TMEM132D: variants seen among roughly 807,000 people sequenced by gnomAD.
The protein encoded by TMEM132D is transmembrane protein 132D, also known as mature OL transmembrane protein.
In TMEM132D, 21 loss-of-function variants were observed where a neutral mutation model predicts 62.3. The observed-to-expected ratio is 0.34, with a 90% CI of 0.24 to 0.49. The LOEUF is 0.49. Among genes scored for constraint, TMEM132D ranks in the 20% least tolerant of loss-of-function variants. The probability of loss-of-function intolerance (pLI) is 0.99; values close to 1 mark genes in which losing one functional copy is unlikely to be tolerated. For synonymous variants in TMEM132D, 621 were observed against 575.6 expected (o/e 1.08, Z -1.13); for missense variants, 1,346 against 1,402.8 (o/e 0.96, Z 0.65).
intron 5 of TMEM132D, among the ~76,000 whole-genome samples, chr12:129,106,485 A>T (rs1427502096): frequency 6.6e-6 from 1 of 152,220 alleles, no homozygotes; most frequent in African/African-American, 2.4e-5. Context: ...AAAAATAAAA[A>T]AATAGAATAT....
At chr12:129,596,567 A>C (rs959005397) in intron 2 of TMEM132D, among the ~76,000 whole-genome samples, 3 of 152,188 alleles carry the variant, frequency 2.0e-5, no homozygotes, top group Non-Finnish European at 4.4e-5. Context: ...GTCATATTGC[A>C]TATAATGGCA....
intron 3 of TMEM132D, among the ~76,000 whole-genome samples, chr12:129,402,334 C>G (rs1478870883): frequency 1.3e-5 from 2 of 152,166 alleles, no homozygotes; most frequent in Admixed American, 1.3e-4. Flanking sequence ...CTGTACAGCT[C>G]TCACTCGACG....
chr12:129,667,970 T>C (rs1279252764), intron 2 of TMEM132D, among the ~76,000 whole-genome samples: 1 of 151,276 alleles, frequency 6.6e-6, no homozygotes, highest in Non-Finnish European at 1.5e-5. Context: ...CCTAAAATGT[T>C]GTTATCCACA....
chr12:129,356,114 A>G (rs960178197), intron 3 of TMEM132D, among the ~76,000 whole-genome samples: 5 of 150,268 alleles, frequency 3.3e-5, no homozygotes, highest in African/African-American at 1.2e-4. Context: ...ACAAATCCCA[A>G]TCTCACAGTC....
At chr12:129,477,997 T>G (rs1192129179) in intron 3 of TMEM132D, among the ~76,000 whole-genome samples, 2 of 152,138 alleles carry the variant, frequency 1.3e-5, no homozygotes, top group African/African-American at 4.8e-5. Flanking sequence ...AAGATAGTCA[T>G]GTCTACCACA....
At chr12:129,694,390 G>A (rs1356643292) in intron 2 of TMEM132D, among the ~76,000 whole-genome samples, 1 of 152,162 alleles carries the variant, frequency 6.6e-6, no homozygotes, top group East Asian at 1.9e-4. Context: ...CAAAACCAAA[G>A]AAAGTCTAAG....
intron 4 of TMEM132D, among the ~76,000 whole-genome samples, chr12:129,295,276 C>T (rs145739272): frequency 1.8e-4 from 28 of 151,946 alleles, no homozygotes; most frequent in Admixed American, 6.6e-5. Context: ...GGAACACTGC[C>T]GGCTACACAC....
intron 3 of TMEM132D, among the ~76,000 whole-genome samples, chr12:129,406,355 T>TTACGC (rs1357922364): frequency 6.6e-6 from 1 of 152,204 alleles, no homozygotes; most frequent in Non-Finnish European, 1.5e-5. Flanking sequence ...GCGTGGTGGC[T>TTACGC]TACGCCTGTA....
At chr12:129,251,564 C>A (rs1330498509) in intron 4 of TMEM132D, among the ~76,000 whole-genome samples, 1 of 152,066 alleles carries the variant, frequency 6.6e-6, no homozygotes, top group African/African-American at 2.4e-5. Context: ...AAAGCTCGTT[C>A]AAATTTGTTT....
chr12:129,623,706 T>TAC (rs1466890756), intron 2 of TMEM132D, among the ~76,000 whole-genome samples: 1 of 144,064 alleles, frequency 6.9e-6, no homozygotes, highest in African/African-American at 2.7e-5. Context: ...TATATATACA[T>TAC]ACATATGCAT....
chr12:129,185,814 CT>C (rs1593289110), intron 5 of TMEM132D, among the ~76,000 whole-genome samples: 4 of 145,804 alleles, frequency 2.7e-5, no homozygotes, highest in African/African-American at 7.7e-5. Context: ...TATCTATCAT[CT>C]ATCTATCTGT....
rs565820683 is a variant in TMEM132D, at chr12:129,484,833, A to G, written c.1115+46226T>C. Among the ~76,000 whole-genome samples, 54 of 152,394 alleles carry G rather than the reference A, an allele frequency of 3.5e-4. No individual in the cohort carries two copies. The South Asian group carries it at 8.3e-3, about 23-fold the overall frequency. ...GTATCAGAAAGAACAAAAGATAAGAATTCAAAACATTAAGAATTCAAAATT... is the reference window on the plus strand; with the variant it reads ...GTATCAGAAAGAACAAAAGATAAGAGTTCAAAACATTAAGAATTCAAAATT... On this transcript the variant is annotated intron_variant, in intron 3 of 8. Transcript: ENST00000422113.
At chr12:129,632,382 CATATT>C (rs1239897076) in intron 2 of TMEM132D, among the ~76,000 whole-genome samples, 6 of 152,266 alleles carry the variant, frequency 3.9e-5, no homozygotes, top group African/African-American at 1.4e-4. Flanking sequence ...ACAAGGAAGA[CATATT>C]ATACTCAGTT....
At chr12:129,153,936 G>A (rs1030825121) in intron 5 of TMEM132D, among the ~76,000 whole-genome samples, 1 of 152,196 alleles carries the variant, frequency 6.6e-6, no homozygotes, top group African/African-American at 2.4e-5. Flanking sequence ...GGAAGGAGAT[G>A]ACACAGCGTG....
intron 3 of TMEM132D, among the ~76,000 whole-genome samples, chr12:129,477,865 CAGAGAG>C (rs368466852): frequency 6.7e-6 from 1 of 149,608 alleles, no homozygotes; most frequent in African/African-American, 2.4e-5. Context: ...CACACATATA[CAGAGAG>C]AGAGAGAGAG....
intron 1 of TMEM132D, among the ~76,000 whole-genome samples, chr12:129,848,258 G>A (rs2137350274): frequency 6.6e-6 from 1 of 152,268 alleles, no homozygotes; most frequent in South Asian, 2.1e-4. Flanking sequence ...TTTCCTAATG[G>A]TTCCTTTAGA....
chr12:129,726,579 T>C (rs1475683229), intron 1 of TMEM132D, among the ~76,000 whole-genome samples: 1 of 152,190 alleles, frequency 6.6e-6, no homozygotes, highest in Non-Finnish European at 1.5e-5. Context: ...GGCTTTAATC[T>C]ACATGTGATT....
intron 5 of TMEM132D, among the ~76,000 whole-genome samples, chr12:129,100,420 G>T (rs544700490): frequency 6.6e-6 from 1 of 152,166 alleles, no homozygotes; most frequent in African/African-American, 2.4e-5. Context: ...AGAGGCTGAC[G>T]GGTTGGCTCC....
At chr12:129,519,900 C>T (rs938700690) in intron 3 of TMEM132D, among the ~76,000 whole-genome samples, 2 of 152,134 alleles carry the variant, frequency 1.3e-5, no homozygotes, top group African/African-American at 4.8e-5. Flanking sequence ...TGAGCCACCG[C>T]ACCTGGCCAA....
Sources: allele counts gnomAD v4.1 joint callset (sites outside exome capture counted in the v4.1 genomes callset), GRCh38; gene constraint gnomAD v4.1.1; transcripts MANE v1.5; gene names NCBI Gene and HGNC (gene_info 2026-07-23, HGNC 2026-07-21).